Variants in CAMK1D observed in about 807,000 individuals in gnomAD.
CAMK1D encodes calcium/calmodulin dependent protein kinase ID.
CAMK1D carries 9 observed loss-of-function variants against 47.7 expected under a neutral mutation model. That is an observed-to-expected ratio of 0.19 (90% CI 0.11 to 0.33). CAMK1D has a LOEUF of 0.33. CAMK1D is among the 10% of genes least tolerant of loss of function. CAMK1D has a pLI of 1.00. For synonymous variants in CAMK1D, 184 were observed against 184.9 expected (o/e 0.99, Z 0.04); for missense variants, 291 against 488.7 (o/e 0.60, Z 3.81).
intron 1 of CAMK1D, among the ~76,000 whole-genome samples, chr10:12,472,825 T>C (rs774921543): frequency 6.6e-6 from 1 of 152,152 alleles, no homozygotes; most frequent in Non-Finnish European, 1.5e-5. Context: ...CCTGGCCTCA[T>C]TCACTCGGCT....
At chr10:12,782,173 G>C (rs1433277495) in intron 5 of CAMK1D, among the ~76,000 whole-genome samples, 1 of 152,098 alleles carries the variant, frequency 6.6e-6, no homozygotes, top group Non-Finnish European at 1.5e-5. Flanking sequence ...GAACGCTCCT[G>C]TGTTTCAGCC....
At chr10:12,506,604 C>T (rs372336523) in intron 1 of CAMK1D, among the ~76,000 whole-genome samples, 11 of 152,134 alleles carry the variant, frequency 7.2e-5, no homozygotes, top group East Asian at 3.9e-4. Context: ...CTGCAGTCTC[C>T]GCCTCCCGGG....
At position 12,778,135 on chromosome 10, in the gene CAMK1D, G is replaced by T. The variant is rs1156883416; in HGVS notation, c.565+8336G>T. 2.0e-5 allele frequency among the ~76,000 whole-genome samples: 3 copies of T among 152,210 alleles called. No individual in the cohort carries two copies. In the East Asian group the frequency reaches 5.8e-4, roughly 29 times the overall value. On this transcript the variant is annotated intron_variant, in intron 5 of 10. Coordinates refer to ENST00000619168, the MANE Select transcript of CAMK1D (RefSeq NM_153498.4). ...CTTGAGTTCAGACTTTTGATAGGTC[G>T]AAGTGTTGGTTTCAATTTGTGAATC...
At chr10:12,601,172 G>GT (rs61512069) in intron 2 of CAMK1D, among the ~76,000 whole-genome samples, 81 of 144,110 alleles carry the variant, frequency 5.6e-4, no homozygotes, top group African/African-American at 1.9e-3. Flanking sequence ...TAAAATGATA[G>GT]TTTTTTTTTT....
intron 1 of CAMK1D, among the ~76,000 whole-genome samples, chr10:12,524,835 A>G (rs11257863): frequency 0.28 from 42,442 of 152,218 alleles, 6,157 homozygotes; most frequent in East Asian, 0.38. Context: ...CTTTATTCTT[A>G]AAGTTCCAGG....
intron 1 of CAMK1D, among the ~76,000 whole-genome samples, chr10:12,379,443 A>G (rs1225360062): frequency 6.6e-6 from 1 of 152,038 alleles, no homozygotes; most frequent in Non-Finnish European, 1.5e-5. Context: ...AAGTGCTCAA[A>G]AATGTTAGCT....
intron 2 of CAMK1D, among the ~76,000 whole-genome samples, chr10:12,600,250 G>A (rs1017101623): frequency 6.6e-6 from 1 of 152,238 alleles, no homozygotes; most frequent in African/African-American, 2.4e-5. Flanking sequence ...TCTTACATGG[G>A]AAGCTGGGTG....
At chr10:12,659,660 A>G (rs1240148355) in intron 2 of CAMK1D, among the ~76,000 whole-genome samples, 6 of 152,194 alleles carry the variant, frequency 3.9e-5, no homozygotes. Flanking sequence ...TCAGTTTCGA[A>G]AAAACATAAG....
intron 2 of CAMK1D, among the ~76,000 whole-genome samples, chr10:12,599,899 AAACC>A (rs1053775560): frequency 6.6e-6 from 1 of 152,238 alleles, no homozygotes; most frequent in African/African-American, 2.4e-5. Flanking sequence ...AACAAATAAA[AAACC>A]AACCAACCTT....
In CAMK1D at chr10:12,430,358, C is replaced by T. The variant is rs1014834243; in HGVS notation, c.92+80448C>T. Among the ~76,000 whole-genome samples, 4 of 152,208 alleles carry T rather than the reference C, an allele frequency of 2.6e-5. 1 individual carries two copies. The highest frequency in any genetic ancestry group is 1.3e-4 in the Admixed American group (2 of 15,280). On this transcript the variant is annotated intron_variant, in intron 1 of 10. Transcript: ENST00000619168. Reference sequence around the variant, plus strand: ...CTGACCAGCCCTGCTGGTAGGTGGGCTTGCACGGAACAGGTCTGTGGGTCC... The same window carrying T: ...CTGACCAGCCCTGCTGGTAGGTGGGTTTGCACGGAACAGGTCTGTGGGTCC...
intron 3 of CAMK1D, among the ~76,000 whole-genome samples, chr10:12,671,685 A>G (rs1840624017): frequency 1.3e-5 from 2 of 151,244 alleles, no homozygotes; most frequent in African/African-American, 4.8e-5. Context: ...TCCTTTGTAA[A>G]ATTAATTTGT....
chr10:12,364,953 C>T (rs1228708949), intron 1 of CAMK1D, among the ~76,000 whole-genome samples: 3 of 151,724 alleles, frequency 2.0e-5, no homozygotes, highest in African/African-American at 7.3e-5. Context: ...TGGTTTTATC[C>T]TCTCTGATTC....
intron 1 of CAMK1D, among the ~76,000 whole-genome samples, chr10:12,444,634 G>A (rs149196602): frequency 1.3e-5 from 2 of 152,292 alleles, no homozygotes; most frequent in African/African-American, 4.8e-5. Flanking sequence ...ATTTGAAGCA[G>A]GGATTTCCAA....
chr10:12,560,923 T>C (rs1836921801), intron 2 of CAMK1D, among the ~76,000 whole-genome samples: 1 of 80,476 alleles, frequency 1.2e-5, no homozygotes, highest in Non-Finnish European at 3.0e-5. Flanking sequence ...TTTCTTTCTT[T>C]TTTTTTTTGA....
chr10:12,541,639 C>T (rs567248999), intron 1 of CAMK1D, among the ~76,000 whole-genome samples: 76 of 152,276 alleles, frequency 5.0e-4, no homozygotes, highest in Admixed American at 1.1e-3. Context: ...GGATTACAGG[C>T]GTGAGCCACT....
At chr10:12,781,433 C>A (rs1837486973) in intron 5 of CAMK1D, among the ~76,000 whole-genome samples, 1 of 152,200 alleles carries the variant, frequency 6.6e-6, no homozygotes, top group African/African-American at 2.4e-5. Context: ...CAAGGCCCTC[C>A]CACATTTCAA....
At chr10:12,554,714 A>AT (rs151223282) in intron 2 of CAMK1D, among the ~76,000 whole-genome samples, 208 of 150,054 alleles carry the variant, frequency 1.4e-3, no homozygotes, top group Non-Finnish European at 1.8e-3. Flanking sequence ...TTAAAAAAAA[A>AT]TTTTTTTTTT....
chr10:12,671,975 G>A (rs1840634189), intron 3 of CAMK1D, among the ~76,000 whole-genome samples: 1 of 149,036 alleles, frequency 6.7e-6, no homozygotes, highest in South Asian at 2.1e-4. Context: ...GAGTGCAGTG[G>A]CGTGATCTTG....
At chr10:12,432,880 C>T (rs2131993870) in intron 1 of CAMK1D, among the ~76,000 whole-genome samples, 1 of 152,266 alleles carries the variant, frequency 6.6e-6, no homozygotes, top group East Asian at 1.9e-4. Flanking sequence ...ATGGTGCCGT[C>T]TCGGCAATGG....
Sources: gnomAD v4.1 joint callset for allele counts (sites outside exome capture counted in the v4.1 genomes callset) on GRCh38, gnomAD v4.1.1 for gene constraint, MANE v1.5 for transcripts, NCBI Gene and HGNC (gene_info 2026-07-23, HGNC 2026-07-21) for gene names.